Variants in HCN1 observed in about 807,000 individuals in gnomAD.
HCN1 encodes the protein potassium/sodium hyperpolarization-activated cyclic nucleotide-gated channel 1.
Under a neutral mutation model 78.9 loss-of-function variants are expected in HCN1, and 13 were observed. That is an observed-to-expected ratio of 0.16 (90% confidence interval 0.11 to 0.26). The LOEUF (loss-of-function observed/expected upper bound fraction) is 0.26, where lower values mean the gene tolerates loss of function less well. HCN1 is among the 10% of genes least tolerant of loss of function. The pLI is 1.00. For synonymous variants in HCN1, 552 were observed against 455.5 expected (o/e 1.21, Z -2.70); for missense variants, 810 against 1,154.3 (o/e 0.70, Z 4.32).
chr5:45,498,546 C>A (rs536110681), intron 2 of HCN1, among the ~76,000 whole-genome samples: 1 of 152,150 alleles, frequency 6.6e-6, no homozygotes, highest in East Asian at 1.9e-4. Context: ...TCCCATTGCT[C>A]GGAGTAATTT....
intron 2 of HCN1, among the ~76,000 whole-genome samples, chr5:45,586,145 G>T (rs986689556): frequency 6.6e-6 from 1 of 152,166 alleles, no homozygotes; most frequent in Admixed American, 6.5e-5. Flanking sequence ...AGGCAGGCAG[G>T]CTTCCTTGAG....
At chr5:45,468,171 A>G (rs1741315951) in intron 2 of HCN1, among the ~76,000 whole-genome samples, 1 of 152,166 alleles carries the variant, frequency 6.6e-6, no homozygotes, top group Non-Finnish European at 1.5e-5. Context: ...AAACTTAAGA[A>G]GTCTTTCTTC....
intron 2 of HCN1, among the ~76,000 whole-genome samples, chr5:45,533,185 AG>A (rs1236533596): frequency 6.6e-6 from 1 of 152,192 alleles, no homozygotes; most frequent in African/African-American, 2.4e-5. Flanking sequence ...TTTTCTGAAA[AG>A]CTTTTTACTT....
chr5:45,627,801 ATTTAC>A (rs1247037844), intron 2 of HCN1, among the ~76,000 whole-genome samples: 3 of 152,198 alleles, frequency 2.0e-5, no homozygotes, highest in Non-Finnish European at 2.9e-5. Context: ...ATAAACATAT[ATTTAC>A]TTTACTTAAG....
At chr5:45,320,854 A>T (rs1014046115) in intron 5 of HCN1, among the ~76,000 whole-genome samples, 1 of 151,872 alleles carries the variant, frequency 6.6e-6, no homozygotes. Flanking sequence ...TATACATAGC[A>T]TGTACATTTC....
intron 3 of HCN1, among the ~76,000 whole-genome samples, chr5:45,439,297 T>C (rs1434908694): frequency 1.3e-5 from 2 of 152,026 alleles, no homozygotes; most frequent in African/African-American, 2.4e-5. Context: ...AAAATCTCTC[T>C]CAAATACAAT....
intron 5 of HCN1, among the ~76,000 whole-genome samples, chr5:45,307,122 C>A (rs1252276242): frequency 6.6e-6 from 1 of 151,960 alleles, no homozygotes; most frequent in African/African-American, 2.4e-5. Context: ...TCAAACAAAG[C>A]TGGAAAAACT....
chr5:45,273,913 G>A (rs1745005378), intron 6 of HCN1, among the ~76,000 whole-genome samples: 1 of 152,074 alleles, frequency 6.6e-6, no homozygotes, highest in Non-Finnish European at 1.5e-5. Context: ...TGCGTATCAT[G>A]TTTGGCTGGT....
intron 2 of HCN1, among the ~76,000 whole-genome samples, chr5:45,463,522 T>C (rs1445406046): frequency 6.6e-6 from 1 of 152,040 alleles, no homozygotes; most frequent in African/African-American, 2.4e-5. Context: ...CAACTTATTA[T>C]ATAGCATTAA....
intron 3 of HCN1, among the ~76,000 whole-genome samples, chr5:45,436,270 C>T (rs991935085): frequency 2.6e-5 from 4 of 152,222 alleles, no homozygotes; most frequent in African/African-American, 9.6e-5. Context: ...TTTAACTAAG[C>T]CCAGCATACA....
chr5:45,460,919 A>G (rs1741141247), intron 3 of HCN1, among the ~76,000 whole-genome samples: 1 of 152,038 alleles, frequency 6.6e-6, no homozygotes, highest in Non-Finnish European at 1.5e-5. Flanking sequence ...GTTTGAGAAA[A>G]GACAGTATTT....
At chr5:45,310,063 A>C (rs1745820173) in intron 5 of HCN1, among the ~76,000 whole-genome samples, 1 of 151,930 alleles carries the variant, frequency 6.6e-6, no homozygotes, top group South Asian at 2.1e-4. Flanking sequence ...AAAACTATAA[A>C]AACCCTGGAA....
intron 2 of HCN1, among the ~76,000 whole-genome samples, chr5:45,509,649 T>C (rs1342507259): frequency 6.6e-6 from 1 of 152,164 alleles, no homozygotes; most frequent in South Asian, 2.1e-4. Flanking sequence ...TAGGAGAGAC[T>C]GATATATTCT....
chr5:45,650,062 C>A (rs918034790), intron 1 of HCN1, among the ~76,000 whole-genome samples: 1 of 152,092 alleles, frequency 6.6e-6, no homozygotes, highest in Admixed American at 6.6e-5. Context: ...CTACCTACTT[C>A]TATTCATCCT....
intron 6 of HCN1, among the ~76,000 whole-genome samples, chr5:45,268,116 A>G (rs1034841587): frequency 1.3e-5 from 2 of 152,198 alleles, no homozygotes; most frequent in African/African-American, 4.8e-5. Context: ...TGTAGTTTGT[A>G]TATTCCCAAT....
chr5:45,425,889 G>C (rs1740336426), intron 3 of HCN1, among the ~76,000 whole-genome samples: 1 of 152,124 alleles, frequency 6.6e-6, no homozygotes, highest in African/African-American at 2.4e-5. Flanking sequence ...ACTTGAAAAA[G>C]ACAGATGCTT....
intron 1 of HCN1, among the ~76,000 whole-genome samples, chr5:45,666,292 G>C (rs898567213): frequency 2.6e-5 from 4 of 152,078 alleles, no homozygotes; most frequent in African/African-American, 9.7e-5. Flanking sequence ...TTTTTGCTTA[G>C]AGTTTAAATT....
intron 2 of HCN1, among the ~76,000 whole-genome samples, chr5:45,602,102 G>A (rs1230780062): frequency 6.6e-6 from 1 of 152,036 alleles, no homozygotes; most frequent in Non-Finnish European, 1.5e-5. Context: ...TGCCGTGATT[G>A]TAAGTTTCCT....
At chr5:45,520,989 G>GTT (rs1398388236) in intron 2 of HCN1, among the ~76,000 whole-genome samples, 1 of 144,902 alleles carries the variant, frequency 6.9e-6, no homozygotes, top group African/African-American at 2.5e-5. Context: ...TTCCTAAGAG[G>GTT]TTTTTTTTTT....
Sources: gnomAD v4.1 joint callset for allele counts (sites outside exome capture counted in the v4.1 genomes callset) on GRCh38, gnomAD v4.1.1 for gene constraint, MANE v1.5 for transcripts, NCBI Gene and HGNC (gene_info 2026-07-23, HGNC 2026-07-21) for gene names.